The following GRIP1 variants were observed in gnomAD, a reference collection of about 807,000 sequenced individuals.
GRIP1 encodes the protein glutamate receptor-interacting protein 1.
GRIP1 carries 45 observed loss-of-function variants against 129.9 expected under a neutral mutation model. The ratio of observed to expected loss-of-function variants is 0.35; its 90% confidence interval spans 0.27 to 0.44. The LOEUF is 0.44. Ranked by LOEUF, GRIP1 falls within the 20% of genes least tolerant of loss-of-function variation. The pLI is 1.00. For missense variants in GRIP1, 1,196 were observed against 1,396.8 expected, an observed-to-expected ratio of 0.86 and a Z score of 2.29; for synonymous variants, 530 against 520.8, an observed-to-expected ratio of 1.02 and a Z score of -0.24.
At chr12:67,048,500 A>C (rs1377026107) in intron 1 of GRIP1, among the ~76,000 whole-genome samples, 15 of 152,080 alleles carry the variant, frequency 9.9e-5, no homozygotes. Context: ...CTGCTCTGTC[A>C]TGAAGGCTAG....
intron 1 of GRIP1, among the ~76,000 whole-genome samples, chr12:66,657,861 G>A (rs780561675): frequency 6.6e-6 from 1 of 152,070 alleles, no homozygotes; most frequent in Non-Finnish European, 1.5e-5. Flanking sequence ...GCGACAGGAG[G>A]GATTCTATTT....
intron 7 of GRIP1, among the ~76,000 whole-genome samples, chr12:66,467,663 C>T (rs1272598883): frequency 6.6e-6 from 1 of 152,180 alleles, no homozygotes; most frequent in African/African-American, 2.4e-5. Flanking sequence ...CCAGTGCACA[C>T]AATATGATGC....
intron 1 of GRIP1, among the ~76,000 whole-genome samples, chr12:66,911,303 G>GA (rs1406742601): frequency 6.6e-6 from 1 of 152,076 alleles, no homozygotes; most frequent in Non-Finnish European, 1.5e-5. Flanking sequence ...ATAACTCTTA[G>GA]AAAAAAATTT....
At chr12:66,465,069 C>T (rs916994424) in intron 8 of GRIP1, among the ~76,000 whole-genome samples, 23 of 151,634 alleles carry the variant, frequency 1.5e-4, no homozygotes, top group African/African-American at 4.4e-4. Context: ...CTCAGCCTCC[C>T]GAGTAGCTGG....
intron 11 of GRIP1, among the ~76,000 whole-genome samples, chr12:66,452,798 T>C (rs181521194): frequency 1.7e-4 from 26 of 152,234 alleles, no homozygotes; most frequent in African/African-American, 6.0e-4. Context: ...GGAAGACCTT[T>C]ACATCTAATG....
At chr12:67,068,006 G>A (rs2043660096) in intron 1 of GRIP1, among the ~76,000 whole-genome samples, 1 of 152,174 alleles carries the variant, frequency 6.6e-6, no homozygotes, top group Admixed American at 6.5e-5. Flanking sequence ...GATAGAAGAA[G>A]CAAAGGGATA....
chr12:66,954,164 A>G (rs1401320160), intron 1 of GRIP1, among the ~76,000 whole-genome samples: 1 of 152,148 alleles, frequency 6.6e-6, no homozygotes, highest in Non-Finnish European at 1.5e-5. Context: ...TGGTCCATCT[A>G]AATCCCTTCT....
chr12:66,955,406 C>T (rs1388696204), intron 1 of GRIP1, among the ~76,000 whole-genome samples: 1 of 151,986 alleles, frequency 6.6e-6, no homozygotes, highest in African/African-American at 2.4e-5. Context: ...TATATACTTC[C>T]TCTTTCAAAT....
At chr12:66,642,333 A>T (rs116772427) in intron 1 of GRIP1, among the ~76,000 whole-genome samples, 2,755 of 152,228 alleles carry the variant, frequency 0.018, 96 homozygotes, top group African/African-American at 0.063. Context: ...GCAGGGAGGC[A>T]CCATGTGCCT....
chr12:66,851,385 C>T (rs928573998), intron 1 of GRIP1, among the ~76,000 whole-genome samples: 1 of 152,056 alleles, frequency 6.6e-6, no homozygotes, highest in African/African-American at 2.4e-5. Context: ...ATGGCTAGAA[C>T]AGCTGTCTAT....
chr12:66,928,289 T>C (rs1317930723), intron 1 of GRIP1, among the ~76,000 whole-genome samples: 1 of 152,212 alleles, frequency 6.6e-6, no homozygotes, highest in Non-Finnish European at 1.5e-5. Context: ...AAGGAGAGCA[T>C]ATATCCTCTA....
chr12:66,675,464 A>C (rs2034283080), intron 1 of GRIP1, among the ~76,000 whole-genome samples: 1 of 152,160 alleles, frequency 6.6e-6, no homozygotes, highest in African/African-American at 2.4e-5. Flanking sequence ...GTAATCACAC[A>C]ATCATGACAA....
chr12:66,454,866 G>C (rs2058910731), intron 11 of GRIP1, among the ~76,000 whole-genome samples: 1 of 152,068 alleles, frequency 6.6e-6, no homozygotes, highest in Non-Finnish European at 1.5e-5. Flanking sequence ...GGAGTCTTGG[G>C]GAATGAGATA....
At chr12:66,963,328 T>C (rs761882482) in intron 1 of GRIP1, among the ~76,000 whole-genome samples, 1 of 151,866 alleles carries the variant, frequency 6.6e-6, no homozygotes, top group African/African-American at 2.4e-5. Context: ...AATAAATAAA[T>C]AAAAATAATG....
chr12:66,553,416 C>G (rs1322754381), intron 2 of GRIP1, among the ~76,000 whole-genome samples: 2 of 151,852 alleles, frequency 1.3e-5, no homozygotes, highest in African/African-American at 4.8e-5. Context: ...AGGCACTTTG[C>G]TATCTAGCAG....
At position 66,886,990 on chromosome 12, in the gene GRIP1, A is replaced by T. The variant is rs375968548; in HGVS notation, c.58+182060T>A. On this transcript the variant is annotated intron_variant, in intron 1 of 1. Coordinates refer to the GRIP1 transcript ENST00000643019. ...GTCTATGTCTCCATGTGCCCTTTTC[A>T]CTCTATCTCACCATCTCCCAGTATC... Among the ~76,000 whole-genome samples, 25 of 152,226 alleles carry T rather than the reference A, an allele frequency of 1.6e-4. No individual in the cohort carries two copies. In the South Asian group the frequency reaches 4.8e-3, roughly 29 times the overall value.
At chr12:66,462,574 C>T (rs914304089) in intron 9 of GRIP1, among the ~76,000 whole-genome samples, 8 of 151,936 alleles carry the variant, frequency 5.3e-5, no homozygotes, top group Admixed American at 2.0e-4. Context: ...TTAGAGTAAA[C>T]AAACATAACC....
intron 23 of GRIP1, among the ~76,000 whole-genome samples, chr12:66,365,922 T>C (rs1181277126): frequency 2.6e-5 from 4 of 152,220 alleles, no homozygotes; most frequent in Admixed American, 2.6e-4. Context: ...CAAGTGACCC[T>C]GCTCCCTCTT....
At chr12:66,804,959 G>A (rs1273386084), upstream of GRIP1, among the ~76,000 whole-genome samples, 1 of 152,042 alleles carries the variant, frequency 6.6e-6, no homozygotes, top group Non-Finnish European at 1.5e-5. Flanking sequence ...TTTACCCACT[G>A]GGCATTAATG....
Sources: allele counts gnomAD v4.1 joint callset (sites outside exome capture counted in the v4.1 genomes callset), GRCh38; gene constraint gnomAD v4.1.1; transcripts MANE v1.5; gene names NCBI Gene and HGNC (gene_info 2026-07-23, HGNC 2026-07-21).